PPP6R3: variants seen among roughly 807,000 people sequenced by gnomAD.
PPP6R3 encodes serine/threonine-protein phosphatase 6 regulatory subunit 3.
Under a neutral mutation model 110.7 loss-of-function variants are expected in PPP6R3, and 38 were observed. The observed-to-expected ratio is 0.34, with a 90% confidence interval of 0.26 to 0.45. The LOEUF (loss-of-function observed/expected upper bound fraction) is 0.45, where lower values mean the gene tolerates loss of function less well. PPP6R3 is among the 20% of genes least tolerant of loss of function. The probability of loss-of-function intolerance (pLI) is 1.00; values close to 1 mark genes in which losing one functional copy is unlikely to be tolerated. For synonymous variants in PPP6R3, 369 were observed against 373.5 expected (o/e 0.99, Z 0.14); for missense variants, 870 against 1,062.4 (o/e 0.82, Z 2.52).
chr11:68,613,550 T>C lies in PPP6R3; in HGVS notation c.*433T>C. 1.0e-6 allele frequency: 1 copy of C among 986,514 alleles called. No individual in the cohort carries two copies. Among genetic ancestry groups the C allele is most frequent in the Non-Finnish European group, 1.2e-6 (1 of 830,418 alleles). The allele number at this position is 986,514 out of a possible 1,614,324, so 61.1% of individuals were successfully genotyped here. A position where few individuals can be genotyped will look rare whatever the true frequency, so the allele number is the denominator to read the frequency against. Reference sequence around the variant, plus strand: ...CATACATTTTTCACCTTGTACAAAATTATGAATTCATTTTTCCTCCAGGCC... The same window carrying C: ...CATACATTTTTCACCTTGTACAAAACTATGAATTCATTTTTCCTCCAGGCC... On this transcript the variant is annotated 3_prime_UTR_variant, in exon 24 of 24. Coordinates refer to ENST00000393800, the MANE Select transcript of PPP6R3 (RefSeq NM_001164161.2).
chr11:68,591,818 G>GTT, intron 18 of PPP6R3, 112 bp downstream of exon 18: 13 of 1,246,484 alleles, frequency 1.0e-5, no homozygotes, highest in South Asian at 3.5e-5. Context: ...AGAAACCAGT[G>GTT]TTTTTTTTTG....
At chr11:68,565,617 C>T (rs1229145672) in intron 9 of PPP6R3, among the ~76,000 whole-genome samples, 1 of 151,782 alleles carries the variant, frequency 6.6e-6, no homozygotes, top group Non-Finnish European at 1.5e-5. Flanking sequence ...AAGGGCCTGA[C>T]CTGTGTCTTA....
At position 68,614,547 on chromosome 11, in the gene PPP6R3, G is replaced by T; in HGVS notation, c.*1430G>T. On this transcript the variant is annotated 3_prime_UTR_variant, in exon 24 of 24. Coordinates refer to ENST00000393800, the MANE Select transcript of PPP6R3 (RefSeq NM_001164161.2). The stretch of plus-strand genomic sequence containing the variant: ...TTTTAGAAGTAGCATCCCAAGCAGC[G>T]TGCCTAAACATTACATTGCATATGG... 2 of 1,474,688 alleles carry T rather than the reference G, an allele frequency of 1.4e-6. No individual in the cohort carries two copies. The highest frequency in any genetic ancestry group is 1.8e-6 in the Non-Finnish European group (2 of 1,122,956). 91.4% of individuals were successfully genotyped at this position (1,474,688 alleles called of 1,614,324 possible).
chr11:68,550,873 A>C, intron 5 of PPP6R3: 1 of 405,104 alleles, frequency 2.5e-6, no homozygotes, highest in Non-Finnish European at 4.4e-6. Context: ...TAAGAAGCTG[A>C]TATATAGAAT....
chr11:68,534,108 G>A (rs1282008306), intron 2 of PPP6R3, among the ~76,000 whole-genome samples: 1 of 152,194 alleles, frequency 6.6e-6, no homozygotes, highest in African/African-American at 2.4e-5. Flanking sequence ...ACTCTGTCAT[G>A]TGGCCACACC....
At chr11:68,463,355 G>GAAACAA (rs2098721765) in intron 1 of PPP6R3, among the ~76,000 whole-genome samples, 1 of 54,626 alleles carries the variant, frequency 1.8e-5, no homozygotes, top group Non-Finnish European at 3.5e-5. Flanking sequence ...CTCAGTCTCA[G>GAAACAA]AAAAAAAAAA....
At chr11:68,513,335 A>G (rs2099120214) in intron 1 of PPP6R3, among the ~76,000 whole-genome samples, 1 of 152,106 alleles carries the variant, frequency 6.6e-6, no homozygotes, top group South Asian at 2.1e-4. Context: ...ATTCCTTCTT[A>G]CTGTGTTTCT....
At chr11:68,578,919 T>G (rs2099542401) in intron 14 of PPP6R3, among the ~76,000 whole-genome samples, 1 of 152,220 alleles carries the variant, frequency 6.6e-6, no homozygotes, top group Admixed American at 6.5e-5. Context: ...AACTAAAAAT[T>G]GGCAAGGATT....
At chr11:68,487,436 GGC>G (rs2098955027) in intron 1 of PPP6R3, among the ~76,000 whole-genome samples, 2 of 152,082 alleles carry the variant, frequency 1.3e-5, no homozygotes, top group Non-Finnish European at 2.9e-5. Context: ...GGGGCATGGT[GGC>G]ACATGCCTGT....
intron 15 of PPP6R3, chr11:68,586,729 T>C (rs996618782): frequency 1.3e-5 from 2 of 152,230 alleles, no homozygotes; most frequent in Non-Finnish European, 2.9e-5. Context: ...TATTTTTAAA[T>C]TATCTGCAAT....
At chr11:68,571,959 G>A (rs927940472) in intron 12 of PPP6R3, among the ~76,000 whole-genome samples, 66 of 151,694 alleles carry the variant, frequency 4.4e-4, no homozygotes, top group African/African-American at 1.6e-3. Context: ...GTGTCTCTGT[G>A]TCTCCAGGAA....
At chr11:68,487,801 T>C (rs2098957834) in intron 1 of PPP6R3, among the ~76,000 whole-genome samples, 1 of 152,194 alleles carries the variant, frequency 6.6e-6, no homozygotes, top group Non-Finnish European at 1.5e-5. Flanking sequence ...TGGGCTCTCT[T>C]GGTGAATGTT....
At chr11:68,530,181 T>C (rs2099229329) in intron 2 of PPP6R3, among the ~76,000 whole-genome samples, 1 of 152,248 alleles carries the variant, frequency 6.6e-6, no homozygotes, top group African/African-American at 2.4e-5. Flanking sequence ...GTTTATTTCT[T>C]ATTTCTGTTA....
At chr11:68,551,893 A>C (rs1269763949) in intron 6 of PPP6R3, among the ~76,000 whole-genome samples, 1 of 152,156 alleles carries the variant, frequency 6.6e-6, no homozygotes, top group African/African-American at 2.4e-5. Context: ...GATGTTGGTC[A>C]CCATTGAGCC....
intron 1 of PPP6R3, among the ~76,000 whole-genome samples, chr11:68,503,468 A>AG: frequency 6.6e-6 from 1 of 152,296 alleles, no homozygotes; most frequent in East Asian, 1.9e-4. Flanking sequence ...GGAAGGAAGG[A>AG]AGGAGAGGAG....
chr11:68,585,398 G>T (rs2099575057), intron 15 of PPP6R3, among the ~76,000 whole-genome samples: 1 of 152,180 alleles, frequency 6.6e-6, no homozygotes, highest in Non-Finnish European at 1.5e-5. Context: ...TGCCTGGGTG[G>T]CATTACTGTT....
At chr11:68,474,797 A>G (rs570513775) in intron 1 of PPP6R3, among the ~76,000 whole-genome samples, 2 of 152,220 alleles carry the variant, frequency 1.3e-5, no homozygotes, top group African/African-American at 4.8e-5. Flanking sequence ...TTTATGTTAA[A>G]AAGTTTGTTT....
chr11:68,581,132 A>C (rs2099552856), intron 14 of PPP6R3, among the ~76,000 whole-genome samples: 1 of 152,182 alleles, frequency 6.6e-6, no homozygotes, highest in African/African-American at 2.4e-5. Context: ...GTGTAGGTAG[A>C]ATCAGACTCA....
intron 12 of PPP6R3, among the ~76,000 whole-genome samples, chr11:68,572,554 T>C (rs1219441789): frequency 6.6e-6 from 1 of 152,084 alleles, no homozygotes; most frequent in Admixed American, 6.5e-5. Flanking sequence ...AGCAACTCAG[T>C]GAAGATTGAC....
Sources: gnomAD v4.1 joint callset for allele counts (sites outside exome capture counted in the v4.1 genomes callset) on GRCh38, gnomAD v4.1.1 for gene constraint, MANE v1.5 for transcripts, NCBI Gene and HGNC (gene_info 2026-07-23, HGNC 2026-07-21) for gene names.